Variants in CCSER1 observed in about 807,000 individuals in gnomAD.
The protein encoded by CCSER1 is coiled-coil serine rich protein 1.
A neutral mutation model predicts 82.0 loss-of-function variants in CCSER1; 41 were observed. That is an observed-to-expected ratio of 0.50 (90% CI 0.39 to 0.65). CCSER1 has a LOEUF of 0.65. Among genes scored for constraint, CCSER1 ranks in the 30% least tolerant of loss-of-function variants. The pLI is 0.00. For missense variants in CCSER1, 1,119 were observed against 1,064.2 expected (o/e 1.05, Z -0.72); for synonymous variants, 414 against 383.9 (o/e 1.08, Z -0.92).
chr4:90,482,322 G>A (rs1328414863), intron 5 of CCSER1, among the ~76,000 whole-genome samples: 1 of 152,078 alleles, frequency 6.6e-6, no homozygotes, highest in Non-Finnish European at 1.5e-5. Context: ...CAAAAAACCA[G>A]CTCCTGGATT....
chr4:90,367,322 TCCC>T (rs1374639858), intron 3 of CCSER1, among the ~76,000 whole-genome samples: 1 of 151,870 alleles, frequency 6.6e-6, no homozygotes. Context: ...AAGCCGGGGA[TCCC>T]TTATGATCTT....
chr4:90,157,412 T>C (rs966012456), intron 1 of CCSER1, among the ~76,000 whole-genome samples: 3 of 151,616 alleles, frequency 2.0e-5, no homozygotes, highest in African/African-American at 7.2e-5. Context: ...TGATTCTGAA[T>C]GTTGGCCTGC....
At chr4:90,513,991 C>G (rs1371650548) in intron 5 of CCSER1, among the ~76,000 whole-genome samples, 2 of 152,104 alleles carry the variant, frequency 1.3e-5, no homozygotes, top group Admixed American at 1.3e-4. Context: ...GAGAAAACAG[C>G]TGCCATTTGA....
intron 10 of CCSER1, among the ~76,000 whole-genome samples, chr4:91,093,448 T>A (rs756259153): frequency 3.3e-4 from 51 of 152,262 alleles, no homozygotes; most frequent in Non-Finnish European, 5.9e-4. Flanking sequence ...GGTACTTGGT[T>A]AATCTAGCAT....
chr4:90,646,501 A>G (rs779972431), intron 6 of CCSER1, among the ~76,000 whole-genome samples: 1 of 152,148 alleles, frequency 6.6e-6, no homozygotes. Flanking sequence ...CCTCTCTGTC[A>G]GGTTAAATTT....
chr4:90,806,960 G>T (rs1757595878), intron 7 of CCSER1, among the ~76,000 whole-genome samples: 1 of 149,918 alleles, frequency 6.7e-6, no homozygotes, highest in South Asian at 2.1e-4. Flanking sequence ...ACCAACTTGT[G>T]ACATTTTATT....
At chr4:91,546,285 A>C (rs1220253653) in intron 10 of CCSER1, among the ~76,000 whole-genome samples, 1 of 152,082 alleles carries the variant, frequency 6.6e-6, no homozygotes, top group Non-Finnish European at 1.5e-5. Context: ...ATAGAGAATG[A>C]GTTAGGAACC....
intron 9 of CCSER1, among the ~76,000 whole-genome samples, chr4:90,992,068 A>T (rs1737086221): frequency 6.6e-6 from 1 of 152,122 alleles, no homozygotes; most frequent in Non-Finnish European, 1.5e-5. Flanking sequence ...CTGCTTAAGT[A>T]CAACTTTTAG....
chr4:90,241,824 T>C (rs1746904177), intron 1 of CCSER1, among the ~76,000 whole-genome samples: 1 of 152,144 alleles, frequency 6.6e-6, no homozygotes, highest in Non-Finnish European at 1.5e-5. Context: ...ATATGGAAAA[T>C]AGGTGATGCT....
intron 8 of CCSER1, among the ~76,000 whole-genome samples, chr4:90,824,361 G>C (rs1331646561): frequency 6.6e-6 from 1 of 152,018 alleles, no homozygotes; most frequent in African/African-American, 2.4e-5. Flanking sequence ...AAAGGCACTT[G>C]TAGAAATGAT....
chr4:90,922,594 T>C (rs1728540685), intron 8 of CCSER1, among the ~76,000 whole-genome samples: 1 of 152,116 alleles, frequency 6.6e-6, no homozygotes, highest in South Asian at 2.1e-4. Context: ...CTAAATTGTA[T>C]TGTTTTTATT....
intron 5 of CCSER1, among the ~76,000 whole-genome samples, chr4:90,596,965 C>G (rs1783415431): frequency 6.6e-6 from 1 of 151,984 alleles, no homozygotes; most frequent in Admixed American, 6.6e-5. Context: ...CATTTAAAAA[C>G]TTACAGCTAA....
intron 5 of CCSER1, among the ~76,000 whole-genome samples, chr4:90,591,954 T>A (rs1349706950): frequency 6.6e-6 from 1 of 152,114 alleles, no homozygotes; most frequent in African/African-American, 2.4e-5. Flanking sequence ...AAACACCACA[T>A]GTTCTCACTC....
At chr4:90,257,749 C>T (rs181418323) in intron 1 of CCSER1, among the ~76,000 whole-genome samples, 4 of 152,230 alleles carry the variant, frequency 2.6e-5, no homozygotes, top group Non-Finnish European at 5.9e-5. Flanking sequence ...TTACATAGTT[C>T]CAGTCTGAAT....
chr4:90,911,348 C>A (rs1301414820), intron 8 of CCSER1: 1 of 456,076 alleles, frequency 2.2e-6, no homozygotes, highest in Admixed American at 2.4e-5. Flanking sequence ...TATGCATGCC[C>A]CCATTAAAGG....
chr4:90,889,855 T>G (rs1468857856), intron 8 of CCSER1, among the ~76,000 whole-genome samples: 3 of 152,198 alleles, frequency 2.0e-5, no homozygotes, highest in Non-Finnish European at 4.4e-5. Context: ...CAGCTCTTCT[T>G]TATTTGAAAT....
chr4:91,369,967 A>G (rs1286186883), intron 10 of CCSER1, among the ~76,000 whole-genome samples: 1 of 151,848 alleles, frequency 6.6e-6, no homozygotes, highest in Non-Finnish European at 1.5e-5. Context: ...GGCATGAGCC[A>G]CTGTGCCCAG....
chr4:90,919,754 C>T (rs1728101662), intron 8 of CCSER1, among the ~76,000 whole-genome samples: 1 of 151,776 alleles, frequency 6.6e-6, no homozygotes. Context: ...TATTATATAA[C>T]TCAAAACCTC....
intron 10 of CCSER1, among the ~76,000 whole-genome samples, chr4:91,597,218 A>G (rs988432441): frequency 2.0e-5 from 3 of 152,088 alleles, no homozygotes; most frequent in African/African-American, 7.2e-5. Flanking sequence ...TCCAGTCTGT[A>G]TAACGGGAAT....
Sources: gnomAD v4.1 joint callset for allele counts (sites outside exome capture counted in the v4.1 genomes callset) on GRCh38, gnomAD v4.1.1 for gene constraint, MANE v1.5 for transcripts, NCBI Gene and HGNC (gene_info 2026-07-23, HGNC 2026-07-21) for gene names.